Variants in PHF3 observed in about 807,000 individuals in gnomAD.
The protein encoded by PHF3 is PHD finger protein 3.
PHF3 carries 41 observed loss-of-function variants against 178.4 expected under a neutral mutation model. The observed-to-expected ratio is 0.23, with a 90% CI of 0.18 to 0.30. The LOEUF (loss-of-function observed/expected upper bound fraction) is 0.30, where lower values mean the gene tolerates loss of function less well. Ranked by LOEUF, PHF3 falls within the 10% of genes least tolerant of loss-of-function variation. The pLI, the probability that PHF3 is intolerant of heterozygous loss-of-function variation, is 1.00. For synonymous variants in PHF3, 842 were observed against 800.5 expected, an observed-to-expected ratio of 1.05 and a Z score of -0.88; for missense variants, 2,346 against 2,398.1, an observed-to-expected ratio of 0.98 and a Z score of 0.45.
At position 63,712,132 on chromosome 6, in the gene PHF3, T is replaced by A; in HGVS notation, c.4544T>A (p.Val1515Glu). ...SKIEKTDNVE[V>E]TDGENKEIKV... ...ATAGAGAAAACAGATAATGTGGAAG[T>A]AACTGATGGTGAAAACAAGGAGATA... is the stretch of plus-strand genomic sequence containing the variant. Residue 1515 changes from valine (V) to glutamate (E), a missense_variant, in exon 16 of 16, where the codon GTA (valine) becomes GAA (glutamate). Around this residue, in one of 8 missense-constraint regions of PHF3, gnomAD observed 839 missense variants for 806.9 expected, o/e 1.04. Coordinates refer to ENST00000262043, the MANE Select transcript of PHF3 (RefSeq NM_001370348.2). The A allele has an allele frequency of 1.2e-6, 2 of 1,613,348 alleles. No homozygotes were observed. Among genetic ancestry groups the A allele is most frequent in the South Asian group, 2.2e-5 (2 of 90,942 alleles).
In PHF3 at chr6:63,724,837, AT is replaced by A. The variant is rs951522792; in HGVS notation, c.*11133del. On this transcript the variant is annotated 3_prime_UTR_variant, in exon 16 of 16. Coordinates refer to ENST00000262043, the MANE Select transcript of PHF3 (RefSeq NM_001370348.2). ...TGGCTGCTTTTATTAAAATTTTTGG[AT>A]TTTAACTTTGTGTATTGTTTGGTTA... 5.9e-5 allele frequency among the ~76,000 whole-genome samples: 9 copies of A among 152,140 alleles called. No homozygotes were observed. Among genetic ancestry groups the A allele is most frequent in the African/African-American group, 2.2e-4 (9 of 41,528 alleles).
intron 2 of PHF3, among the ~76,000 whole-genome samples, chr6:63,678,625 A>G (rs965038864): frequency 2.0e-5 from 3 of 148,102 alleles, no homozygotes; most frequent in Admixed American, 2.0e-4. Context: ...CATGCATTTT[A>G]TTTGTGTGTT....
Position 63,660,476 on chromosome 6 carries a change from T to C in PHF3, c.244+13681T>C, listed in dbSNP as rs535832546. 2.6e-5 allele frequency among the ~76,000 whole-genome samples: 4 copies of C among 152,316 alleles called. No individual in the cohort carries two copies. In the East Asian group the frequency reaches 7.7e-4, roughly 29 times the overall value. On this transcript the variant is annotated intron_variant, in intron 2 of 15. Transcript: ENST00000262043. Reference sequence around the variant, plus strand: ...TTTGACTTTATTCATTTATTGAATGTCTGTTATATGCTAGGTAATATGCTA... The same window carrying C: ...TTTGACTTTATTCATTTATTGAATGCCTGTTATATGCTAGGTAATATGCTA...
chr6:63,703,934 T>G (rs758322398), intron 11 of PHF3, among the ~76,000 whole-genome samples: 4 of 152,182 alleles, frequency 2.6e-5, no homozygotes, highest in African/African-American at 4.8e-5. Flanking sequence ...ATGACAAGAA[T>G]TTAACCATTA....
At position 63,712,622 on chromosome 6, in the gene PHF3, A is replaced by G; in HGVS notation, c.5034A>G (p.Lys1678=). The G allele has an allele frequency of 1.2e-6, 2 of 1,613,916 alleles. No individual in the cohort carries two copies. Among genetic ancestry groups the G allele is most frequent in the African/African-American group, 2.7e-5 (2 of 75,032 alleles). ...GAGATAGTTGCCGGAATGGAGAAAA[A>G]CACATGCTGCCTGGCCTGTCACACA... is the stretch of plus-strand genomic sequence containing the variant. ...KDGDSCRNGE[K]HMLPGLSHNK... The change falls in exon 16 of 16, where the codon AAA becomes AAG. Residue 1678 remains lysine, a synonymous_variant. Coordinates refer to ENST00000262043, the MANE Select transcript of PHF3 (RefSeq NM_001370348.2).
In PHF3 at chr6:63,636,320, C is replaced by T. The variant is rs557264926; in HGVS notation, c.-26+170C>T. 7.9e-5 allele frequency among the ~76,000 whole-genome samples: 12 copies of T among 152,318 alleles called. No homozygotes were observed. The East Asian group carries it at 1.9e-3, about 25-fold the overall frequency. On this transcript the variant is annotated intron_variant, in intron 1 of 15. Transcript: ENST00000262043. ...GCCTCTCGGGCCTCTTGCGCAACGTCCTCGGCCTACCTGGGCCGCGCCGCT... is the reference window on the plus strand; with the variant it reads ...GCCTCTCGGGCCTCTTGCGCAACGTTCTCGGCCTACCTGGGCCGCGCCGCT...
intron 9 of PHF3, 131 bp downstream of exon 9, chr6:63,700,597 T>A: frequency 1.8e-6 from 1 of 545,416 alleles, no homozygotes; most frequent in Admixed American, 3.1e-5. Context: ...TGCTTCTTTT[T>A]TTTTTGAGAT....
intron 2 of PHF3, among the ~76,000 whole-genome samples, chr6:63,649,118 A>C (rs1397536520): frequency 6.6e-6 from 1 of 151,638 alleles, no homozygotes; most frequent in Non-Finnish European, 1.5e-5. Context: ...TTATTCATTT[A>C]TTTTGGTAGA....
rs891154411 is a variant in PHF3 at position 63,711,596 on chromosome 6, G to T, written c.4008G>T (p.Leu1336=). 1 of 1,582,460 alleles carries T rather than the reference G, an allele frequency of 6.3e-7. No homozygotes were observed. Among genetic ancestry groups the T allele is most frequent in the Non-Finnish European group, 8.5e-7 (1 of 1,170,928 alleles). The change falls in exon 16 of 16, where the codon CTG becomes CTT. Residue 1336 remains leucine, a synonymous_variant. Coordinates refer to ENST00000262043, the MANE Select transcript of PHF3 (RefSeq NM_001370348.2). ...TTTGGTTTTATACAGGGCTTGAACT[G>T]CATAGACCTAATCTATTGTTGGGCT... ...LVPFDGPGLE[L]HRPNLLLGLI... is the part of the protein sequence containing the mutation.
intron 4 of PHF3, among the ~76,000 whole-genome samples, chr6:63,688,218 T>C (rs1582081952): frequency 1.1e-5 from 1 of 95,022 alleles, no homozygotes; most frequent in African/African-American, 4.2e-5. Flanking sequence ...TAATTGTTTT[T>C]TTCCCCTCCC....
chr6:63,689,569 C>G (rs1389899751), intron 4 of PHF3, among the ~76,000 whole-genome samples: 1 of 152,110 alleles, frequency 6.6e-6, no homozygotes, highest in Non-Finnish European at 1.5e-5. Context: ...CTCTCAAAAA[C>G]TCTTAAAACT....
intron 2 of PHF3, among the ~76,000 whole-genome samples, chr6:63,648,741 C>T (rs1213165638): frequency 6.6e-6 from 1 of 152,046 alleles, no homozygotes; most frequent in Non-Finnish European, 1.5e-5. Flanking sequence ...ACTTAAATTA[C>T]TTCCTAAATT....
chr6:63,649,211 T>A (rs1261665563), intron 2 of PHF3, among the ~76,000 whole-genome samples: 1 of 152,088 alleles, frequency 6.6e-6, no homozygotes, highest in African/African-American at 2.4e-5. Flanking sequence ...CACAGAGTGC[T>A]GGGATTACAG....
chr6:63,680,467 T>C (rs1231142866), intron 3 of PHF3, among the ~76,000 whole-genome samples: 3 of 151,252 alleles, frequency 2.0e-5, no homozygotes, highest in Non-Finnish European at 3.0e-5. Context: ...TGTTGCTGTT[T>C]TTTGATTATT....
Position 63,713,815 on chromosome 6 carries a change from A to G in PHF3, c.*107A>G. 1 of 918,538 alleles carries G rather than the reference A, an allele frequency of 1.1e-6. No homozygotes were observed. Among genetic ancestry groups the G allele is most frequent in the African/African-American group, 1.7e-5 (1 of 59,422 alleles). The allele number at this position is 918,538 out of a possible 1,614,324, so 56.9% of individuals were successfully genotyped here. On this transcript the variant is annotated 3_prime_UTR_variant, in exon 16 of 16. Coordinates refer to ENST00000262043, the MANE Select transcript of PHF3 (RefSeq NM_001370348.2). ...GGATTGTGCCATCTTTAAAATTTTT[A>G]CTATTGGTCATTTGCAGAACAGTAA...
chr6:63,660,271 A>G (rs189724296), intron 2 of PHF3, among the ~76,000 whole-genome samples: 1 of 151,960 alleles, frequency 6.6e-6, no homozygotes, highest in Admixed American at 6.6e-5. Context: ...ATAAATGCCA[A>G]CAGGTAGACG....
At chr6:63,697,270 T>C (rs1356657783) in intron 6 of PHF3, among the ~76,000 whole-genome samples, 2 of 152,038 alleles carry the variant, frequency 1.3e-5, no homozygotes, top group Admixed American at 1.3e-4. Flanking sequence ...AATGGGAAAA[T>C]GATAGTTGAC....
Position 63,684,712 on chromosome 6 carries a change from T to C in PHF3, c.990T>C (p.His330=). ...QDSKETVKLS[H]EDDHILEDAG... ...CAAAGGAGACAGTAAAATTATCCCA[T>C]GAAGATGACCATATTCTTGAGGACG... The change falls in exon 4 of 16, where the codon CAT becomes CAC. Residue 330 remains histidine (H), a synonymous_variant. Coordinates refer to ENST00000262043, the MANE Select transcript of PHF3 (RefSeq NM_001370348.2). 1 of 1,613,638 alleles carries C rather than the reference T, an allele frequency of 6.2e-7. No individual in the cohort carries two copies. Among genetic ancestry groups the C allele is most frequent in the Non-Finnish European group, 8.5e-7 (1 of 1,179,632 alleles).
intron 11 of PHF3, among the ~76,000 whole-genome samples, chr6:63,704,310 A>C (rs937847319): frequency 4.6e-5 from 7 of 152,080 alleles, no homozygotes; most frequent in African/African-American, 1.7e-4. Context: ...GTGGGTATGG[A>C]CAAATGTGTA....
Sources: gnomAD v4.1 joint callset for allele counts (sites outside exome capture counted in the v4.1 genomes callset) on GRCh38, gnomAD v4.1.1 for gene constraint, gnomAD v4.1.1 regional missense constraint, MANE v1.5 for transcripts, NCBI Gene and HGNC (gene_info 2026-07-23, HGNC 2026-07-21) for gene names.